SEMA5A: variants seen among roughly 807,000 people sequenced by gnomAD.
The protein encoded by SEMA5A is semaphorin-5A.
Under a neutral mutation model 135.5 loss-of-function variants are expected in SEMA5A, and 55 were observed. The ratio of observed to expected loss-of-function variants is 0.41; its 90% CI spans 0.33 to 0.51. The LOEUF (loss-of-function observed/expected upper bound fraction) is 0.51. SEMA5A is among the 20% of genes least tolerant of loss of function. The pLI, the probability that SEMA5A is intolerant of heterozygous loss-of-function variation, is 0.37. For missense variants in SEMA5A, 1,290 were observed against 1,419.9 expected (o/e 0.91, Z 1.47); for synonymous variants, 580 against 546.5 (o/e 1.06, Z -0.85).
intron 5 of SEMA5A, among the ~76,000 whole-genome samples, chr5:9,288,291 A>G (rs1359900280): frequency 6.6e-6 from 1 of 152,162 alleles, no homozygotes; most frequent in African/African-American, 2.4e-5. Flanking sequence ...ATGCTGGGGG[A>G]TAAAGGGTCA....
chr5:9,334,359 A>G (rs1444519123), intron 4 of SEMA5A, among the ~76,000 whole-genome samples: 1 of 152,188 alleles, frequency 6.6e-6, no homozygotes, highest in Non-Finnish European at 1.5e-5. Context: ...GGTTATTTTT[A>G]AAGTTTTATA....
intron 11 of SEMA5A, among the ~76,000 whole-genome samples, chr5:9,156,571 C>T (rs1053075798): frequency 2.0e-5 from 3 of 152,156 alleles, no homozygotes; most frequent in Non-Finnish European, 4.4e-5. Flanking sequence ...AAGCAAGGCT[C>T]ATGGGAGAAC....
intron 1 of SEMA5A, among the ~76,000 whole-genome samples, chr5:9,522,089 T>C (rs754771009): frequency 4.3e-4 from 66 of 152,256 alleles, no homozygotes; most frequent in Non-Finnish European, 7.9e-4. Flanking sequence ...AGCAGCCCTT[T>C]CTTCTTCCCT....
intron 3 of SEMA5A, among the ~76,000 whole-genome samples, chr5:9,354,324 A>T (rs560238728): frequency 9.2e-5 from 14 of 152,176 alleles, no homozygotes; most frequent in Non-Finnish European, 2.1e-4. Context: ...AGCCCCACTG[A>T]CTTCCTGGGA....
chr5:9,052,762 A>G (rs1561104656), intron 19 of SEMA5A, among the ~76,000 whole-genome samples: 1 of 152,174 alleles, frequency 6.6e-6, no homozygotes, highest in Non-Finnish European at 1.5e-5. Context: ...CCAGGCATAC[A>G]GATGTGTGAA....
At chr5:9,369,065 G>A (rs1166980925) in intron 3 of SEMA5A, among the ~76,000 whole-genome samples, 1 of 152,168 alleles carries the variant, frequency 6.6e-6, no homozygotes, top group East Asian at 1.9e-4. Flanking sequence ...CCAACACTTG[G>A]TATTGTCAGC....
chr5:9,223,122 G>A (rs1023300981), intron 8 of SEMA5A, among the ~76,000 whole-genome samples: 10 of 152,178 alleles, frequency 6.6e-5, no homozygotes, highest in East Asian at 5.8e-4. Flanking sequence ...CAACTGATTC[G>A]GTTGAAGTCA....
At chr5:9,159,836 A>G (rs913581348) in intron 11 of SEMA5A, among the ~76,000 whole-genome samples, 3 of 152,246 alleles carry the variant, frequency 2.0e-5, no homozygotes, top group African/African-American at 7.2e-5. Flanking sequence ...GATAAAGAAA[A>G]TGTGGTACAT....
At chr5:9,358,319 G>A (rs970247913) in intron 3 of SEMA5A, among the ~76,000 whole-genome samples, 1 of 152,122 alleles carries the variant, frequency 6.6e-6, no homozygotes, top group African/African-American at 2.4e-5. Flanking sequence ...GGTTCTAACT[G>A]TAGTGAGTGC....
chr5:9,379,323 G>A (rs1012196322), intron 3 of SEMA5A, among the ~76,000 whole-genome samples: 4 of 152,146 alleles, frequency 2.6e-5, no homozygotes, highest in Non-Finnish European at 4.4e-5. Context: ...AAGAATAAAT[G>A]AGTGGATATA....
At chr5:9,166,031 C>A (rs957599961) in intron 11 of SEMA5A, among the ~76,000 whole-genome samples, 7 of 152,080 alleles carry the variant, frequency 4.6e-5, no homozygotes, top group African/African-American at 1.7e-4. Flanking sequence ...CACTCAGTTA[C>A]CAGATTCAAC....
In SEMA5A at chr5:9,308,745, C is replaced by G. The variant is rs147995686; in HGVS notation, c.270+9627G>C. ...ACCCAGGTCCAAATCCTAGCTCTAC[C>G]ACCTATCAGATGGCTGATCTTGGCT... is the stretch of plus-strand genomic sequence containing the variant. On this transcript the variant is annotated intron_variant, in intron 5 of 22. Transcript: ENST00000382496. Among the ~76,000 whole-genome samples the G allele has an allele frequency of 5.6e-3, 845 of 152,218 alleles. 7 individuals are homozygous for G. Among genetic ancestry groups the G allele is most frequent in the African/African-American group, 0.019 (788 of 41,552 alleles).
At chr5:9,465,911 G>T (rs561206338) in intron 1 of SEMA5A, among the ~76,000 whole-genome samples, 1 of 152,348 alleles carries the variant, frequency 6.6e-6, no homozygotes, top group South Asian at 2.1e-4. Context: ...AGACGAGCAT[G>T]CATGGCACTG....
rs146923297 is a variant in SEMA5A, at chr5:9,319,053, A to G, written c.225-636T>C. ...AATCTGTCTCTACAAAAAATACAAA[A>G]GTTATCCAGGCATATTGGCTTATGC... On this transcript the variant is annotated intron_variant, in intron 4 of 22. Coordinates refer to ENST00000382496, the MANE Select transcript of SEMA5A (RefSeq NM_003966.3). 4.9e-3 allele frequency among the ~76,000 whole-genome samples: 748 copies of G among 152,016 alleles called. 7 individuals carry two copies. Among genetic ancestry groups the G allele is most frequent in the African/African-American group, 0.017 (713 of 41,424 alleles).
intron 16 of SEMA5A, among the ~76,000 whole-genome samples, chr5:9,069,484 A>G (rs1250225398): frequency 1.3e-5 from 2 of 152,208 alleles, no homozygotes; most frequent in Non-Finnish European, 2.9e-5. Context: ...ATAGAAAGCA[A>G]CTTGTGTGTC....
chr5:9,153,619 G>C (rs577948601), intron 12 of SEMA5A, among the ~76,000 whole-genome samples: 40 of 151,842 alleles, frequency 2.6e-4, no homozygotes. Context: ...GGAGGGGGGG[G>C]TGTCCCGGAA....
intron 6 of SEMA5A, among the ~76,000 whole-genome samples, chr5:9,234,453 A>G (rs887599640): frequency 6.6e-6 from 1 of 152,210 alleles, no homozygotes; most frequent in East Asian, 1.9e-4. Flanking sequence ...CCACCCATGA[A>G]CCAGCCCAGT....
intron 1 of SEMA5A, among the ~76,000 whole-genome samples, chr5:9,492,323 T>A (rs1041976592): frequency 2.6e-5 from 4 of 152,316 alleles, no homozygotes; most frequent in South Asian, 4.1e-4. Flanking sequence ...AAACTAACGT[T>A]CAGAAAGATT....
At chr5:9,184,118 T>C (rs1234359131) in intron 11 of SEMA5A, among the ~76,000 whole-genome samples, 3 of 148,074 alleles carry the variant, frequency 2.0e-5, no homozygotes, top group African/African-American at 7.8e-5. Context: ...TTTGTGAGTG[T>C]CTGTTTTTTT....
Sources: gnomAD v4.1 joint callset for allele counts (sites outside exome capture counted in the v4.1 genomes callset) on GRCh38, gnomAD v4.1.1 for gene constraint, MANE v1.5 for transcripts, NCBI Gene and HGNC (gene_info 2026-07-23, HGNC 2026-07-21) for gene names.